ZNF780A: variants seen among roughly 807,000 people sequenced by gnomAD.
ZNF780A encodes the protein zinc finger protein 780A.
ZNF780A carries 40 observed loss-of-function variants against 56.7 expected under a neutral mutation model. That is an observed-to-expected ratio of 0.71 (90% CI 0.55 to 0.92). The LOEUF (loss-of-function observed/expected upper bound fraction) is 0.92, where lower values mean the gene tolerates loss of function less well. ZNF780A is among the 40% of genes least tolerant of loss of function. The pLI, the probability that ZNF780A is intolerant of heterozygous loss-of-function variation, is 0.00. For missense variants in ZNF780A, 672 were observed against 783.3 expected, an observed-to-expected ratio of 0.86 and a Z score of 1.70; for synonymous variants, 231 against 248.3, an observed-to-expected ratio of 0.93 and a Z score of 0.66.
chr19:40,072,935 A>G, downstream of ZNF780A: 3 of 1,550,562 alleles, frequency 1.9e-6, no homozygotes, highest in Non-Finnish European at 8.7e-7. Context: ...TTCTCCTTTG[A>G]ATATGAATAG....
chr19:40,085,208 A>T (rs989860950), intron 2 of ZNF780A: 4 of 985,178 alleles, frequency 4.1e-6, no homozygotes, highest in African/African-American at 1.7e-5. Flanking sequence ...CCAAACCAGA[A>T]CCTCTTTGTG....
intron 3 of ZNF780A, 96 bp downstream of exon 3, chr19:40,084,649 C>A: frequency 7.7e-7 from 1 of 1,293,066 alleles, no homozygotes; most frequent in Non-Finnish European, 1.1e-6. Context: ...GGTGTAAGAT[C>A]GTGAATTCTA....
rs1974126411 is a variant in ZNF780A, at chr19:40,076,228, G to GCAAAC, written c.233-24_233-20dup. 6.5e-7 allele frequency: 1 copy of GCAAAC among 1,529,744 alleles called. No homozygotes were observed. The highest frequency in any genetic ancestry group is 1.3e-5 in the South Asian group (1 of 74,724). The allele number at this position is 1,529,744 out of a possible 1,614,324, so 94.8% of individuals were successfully genotyped here. On this transcript the variant is annotated intron_variant, in intron 5 of 5. Transcript: ENST00000683561. ...TCCAAATCTGAAAGAAATGAAGAAA[G>GCAAAC]CAAACCTATTTTATTTTCGTATAAC...
At chr19:40,085,289 C>T in intron 2 of ZNF780A, 1 of 985,408 alleles carries the variant, frequency 1.0e-6, no homozygotes, top group Non-Finnish European at 1.2e-6. Flanking sequence ...AGTGTTTGCA[C>T]CAAATTGCAC....
chr19:40,072,576 C>T, downstream of ZNF780A: 1 of 273,014 alleles, frequency 3.7e-6, no homozygotes, highest in Non-Finnish European at 6.5e-6. Flanking sequence ...GGCATTCGAG[C>T]CGGCAACGAC....
chr19:40,088,986 T>C (rs926920637), intron 2 of ZNF780A, among the ~76,000 whole-genome samples: 1 of 152,090 alleles, frequency 6.6e-6, no homozygotes, highest in Non-Finnish European at 1.5e-5. Context: ...TAGAATCGTA[T>C]TTACAGATCT....
Position 40,074,607 on chromosome 19 carries a change from G to C in ZNF780A, c.1835C>G (p.Pro612Arg). 6.2e-7 allele frequency: 1 copy of C among 1,613,852 alleles called. No homozygotes were observed. Among genetic ancestry groups the C allele is most frequent in the Non-Finnish European group, 8.5e-7 (1 of 1,179,886 alleles). The change falls in exon 6 of 6, where the codon CCC becomes CGC. Residue 612 changes from proline to arginine, a missense_variant. Pro to Arg is a moderately radical substitution (Grantham distance 103). Coordinates refer to ENST00000683561, the MANE Select transcript of ZNF780A (RefSeq NM_001142578.2). ...CTTTCCACATTCCTTACATTCAAAGGGTTTCTCACCAGTATGCAATTTCTG... is the reference window on the plus strand; with the variant it reads ...CTTTCCACATTCCTTACATTCAAAGCGTTTCTCACCAGTATGCAATTTCTG... ...RHQKLHTGEK[P>R]FECKECGKVF...
At position 40,075,810 on chromosome 19, in the gene ZNF780A, TGTCGAGTAAATTGTATGTGAA is replaced by T. The variant is rs1411007383; in HGVS notation, c.611_631del (p.Leu204_Arg210del). On this transcript the variant is annotated inframe_deletion, in exon 6 of 6. Coordinates refer to ENST00000683561, the MANE Select transcript of ZNF780A (RefSeq NM_001142578.2). ...TTTCTCACCAGTATGAAATTTCTGA[TGTCGAGTAAATTGTATGTGAA>T]GTCGAAAGGCTTTCCCACACTCCTT... 2 of 1,613,996 alleles carry T rather than the reference TGTCGAGTAAATTGTATGTGAA, an allele frequency of 1.2e-6. No individual in the cohort carries two copies. The highest frequency in any genetic ancestry group is 1.7e-6 in the Non-Finnish European group (2 of 1,179,984).
At chr19:40,078,669 G>A (rs1179842038) in intron 5 of ZNF780A, among the ~76,000 whole-genome samples, 2 of 152,054 alleles carry the variant, frequency 1.3e-5, no homozygotes, top group Admixed American at 6.6e-5. Flanking sequence ...TGCCAGTCAA[G>A]GATACTATCC....
At chr19:40,082,967 A>C in intron 4 of ZNF780A, 144 bp downstream of exon 4, 1 of 1,391,364 alleles carries the variant, frequency 7.2e-7, no homozygotes, top group South Asian at 1.3e-5. Flanking sequence ...GCCTGTTTTC[A>C]ACCCAACAAA....
chr19:40,075,985 G>A lies in ZNF780A; in HGVS notation c.457C>T (p.Pro153Ser). 16 of 1,613,516 alleles carry A rather than the reference G, an allele frequency of 9.9e-6. No individual in the cohort carries two copies. The highest frequency in any genetic ancestry group is 1.3e-5 in the Non-Finnish European group (15 of 1,179,804). Residue 153 changes from proline (P) to serine (S), a missense_variant, in exon 6 of 6, where the codon CCT becomes TCT. Coordinates refer to ENST00000683561, the MANE Select transcript of ZNF780A (RefSeq NM_001142578.2). Reference protein sequence around the residue: ...ISYEKLPTHTPHASLICNTHK... With the variant: ...ISYEKLPTHTSHASLICNTHK... ...GTATTGCAAATAAGAGAAGCATGAG[G>A]AGTATGAGTAGGCAGTTTTTCATAG...
chr19:40,070,172 G>A (rs1274246416), downstream of ZNF780A: 2 of 151,938 alleles, frequency 1.3e-5, no homozygotes, highest in Non-Finnish European at 2.9e-5. Context: ...AATAAGATAT[G>A]AATAAGCAAT....
chr19:40,073,185 T>G lies in ZNF780A; in HGVS notation c.*1331A>C. ...AAATAAACGTGCAAATTGTTAACAA[T>G]TTTGAATCTAGGTTGGGGTATATGA... On this transcript the variant is annotated 3_prime_UTR_variant, in exon 6 of 6. Transcript: ENST00000683561. 1.1e-6 allele frequency: 1 copy of G among 871,886 alleles called. No homozygotes were observed. The allele number at this position is 871,886 out of a possible 1,614,324, so 54.0% of individuals were successfully genotyped here.
chr19:40,081,068 G>T (rs1054256771), intron 5 of ZNF780A, among the ~76,000 whole-genome samples: 1 of 151,798 alleles, frequency 6.6e-6, no homozygotes, highest in East Asian at 1.9e-4. Flanking sequence ...AAGCATAGGC[G>T]GCAAAAACAA....
At chr19:40,072,785 G>C (rs1431795745), downstream of ZNF780A, 1 of 1,407,632 alleles carries the variant, frequency 7.1e-7, no homozygotes, top group Non-Finnish European at 9.2e-7. Context: ...TATAAGCTAG[G>C]GCTTAAGCCT....
At position 40,073,217 on chromosome 19, in the gene ZNF780A, A is replaced by G; in HGVS notation, c.*1299T>C. 1.7e-6 allele frequency: 1 copy of G among 605,488 alleles called. No individual in the cohort carries two copies. Among genetic ancestry groups the G allele is most frequent in the East Asian group, 5.0e-5 (1 of 20,132 alleles). 37.5% of individuals were successfully genotyped at this position (605,488 alleles called of 1,614,324 possible). ...TCTAGGTTGGGGTATATGATTGTAT[A>G]TTTGACTATTCTTTCAAAACCCACA... On this transcript the variant is annotated 3_prime_UTR_variant, in exon 6 of 6. Coordinates refer to ENST00000683561, the MANE Select transcript of ZNF780A (RefSeq NM_001142578.2).
At position 40,083,223 on chromosome 19, in the gene ZNF780A, G is replaced by T. The variant is rs1009218897; in HGVS notation, c.24C>A (p.Phe8Leu). 1.9e-5 allele frequency: 30 copies of T among 1,614,026 alleles called. No homozygotes were observed. Among genetic ancestry groups the T allele is most frequent in the Non-Finnish European group, 2.5e-5 (29 of 1,180,024 alleles). MVHGSVTFRDVAIDFSQE... is the reference protein window; with the variant it reads MVHGSVTLRDVAIDFSQE... ...GAGAGAAGTCAATGGCCACATCCCT[G>T]AATGTCACTGATCCCTGAAACCACA... Residue 8 changes from phenylalanine (F) to leucine (L), a missense_variant, in exon 4 of 6, where the codon TTC becomes TTA. Coordinates refer to ENST00000683561, the MANE Select transcript of ZNF780A (RefSeq NM_001142578.2).
At position 40,076,020 on chromosome 19, in the gene ZNF780A, T is replaced by C. The variant is rs149110926; in HGVS notation, c.422A>G (p.Lys141Arg). ...QGYQEGNINQ[K>R]MISYEKLPTH... Reference sequence around the variant, plus strand: ...AGGCAGTTTTTCATAGCTGATCATCTTTTGATTGATATTTCCTTCTTGATA... The same window carrying C: ...AGGCAGTTTTTCATAGCTGATCATCCTTTGATTGATATTTCCTTCTTGATA... Residue 141 changes from lysine (K) to arginine (R), a missense_variant, in exon 6 of 6, where the codon AAG becomes AGG. Transcript: ENST00000683561. 9 of 1,613,302 alleles carry C rather than the reference T, an allele frequency of 5.6e-6. No homozygotes were observed. Among genetic ancestry groups the C allele is most frequent in the African/African-American group, 4.0e-5 (3 of 74,878 alleles).
At chr19:40,086,631 C>T (rs57880771) in intron 2 of ZNF780A, among the ~76,000 whole-genome samples, 13,553 of 151,074 alleles carry the variant, frequency 0.09, 1,145 homozygotes, top group African/African-American at 0.2. Flanking sequence ...AGAATGCCTT[C>T]AGATAGAATT....
Sources: gnomAD v4.1 joint callset for allele counts (sites outside exome capture counted in the v4.1 genomes callset) on GRCh38, gnomAD v4.1.1 for gene constraint, MANE v1.5 for transcripts, NCBI Gene and HGNC (gene_info 2026-07-23, HGNC 2026-07-21) for gene names.